The following BCAS3 variants were observed in gnomAD, a reference collection of about 807,000 sequenced individuals.
BCAS3 encodes the protein BCAS4/BCAS3 fusion.
A neutral mutation model predicts 116.1 loss-of-function variants in BCAS3; 53 were observed. That is an observed-to-expected ratio of 0.46 (90% CI 0.37 to 0.57). The LOEUF (loss-of-function observed/expected upper bound fraction) is 0.57. Ranked by LOEUF, BCAS3 falls within the 20% of genes least tolerant of loss-of-function variation. BCAS3 has a pLI of 0.00. For missense variants in BCAS3, 917 were observed against 1,165.4 expected, an observed-to-expected ratio of 0.79 and a Z score of 3.10; for synonymous variants, 391 against 408.2, an observed-to-expected ratio of 0.96 and a Z score of 0.51.
intron 19 of BCAS3, among the ~76,000 whole-genome samples, chr17:61,045,856 T>TATATAA (rs2068024162): frequency 1.9e-3 from 2 of 1,034 alleles, no homozygotes; most frequent in African/African-American, 2.6e-3. Context: ...TCTCTATATA[T>TATATAA]ATATATATAA....
In BCAS3 at chr17:61,286,716, G is replaced by A. The variant is rs2051827124; in HGVS notation, c.2426-81611G>A. Among the ~76,000 whole-genome samples, 1 of 152,170 alleles carries A rather than the reference G, an allele frequency of 6.6e-6. No individual in the cohort carries two copies. The highest frequency in any genetic ancestry group is 1.5e-5 in the Non-Finnish European group (1 of 68,030). ...GAGCATGTCACCTTCAGAGTAGGTT[G>A]GACTGTAAATATGTTTGGTCTCTAA... On this transcript the variant is annotated intron_variant, in intron 22 of 23. Transcript: ENST00000407086. This position sits in a 1 kb window ranked among gnomAD's most constrained non-coding sequence, Gnocchi z 4.8.
At chr17:60,889,353 C>T (rs762278966) in intron 9 of BCAS3, among the ~76,000 whole-genome samples, 4 of 152,138 alleles carry the variant, frequency 2.6e-5, no homozygotes, top group African/African-American at 9.7e-5. Context: ...TCCCAAAATT[C>T]TTCCTTGATT....
chr17:60,876,188 T>A (rs2055588688), intron 9 of BCAS3, among the ~76,000 whole-genome samples: 1 of 152,012 alleles, frequency 6.6e-6, no homozygotes, highest in African/African-American at 2.4e-5. Context: ...CCAATGAAAC[T>A]CCCAAGGTTT....
intron 6 of BCAS3, among the ~76,000 whole-genome samples, chr17:60,805,216 G>A (rs772294071): frequency 2.6e-5 from 4 of 151,970 alleles, no homozygotes; most frequent in Non-Finnish European, 4.4e-5. Context: ...TGATCCCTAA[G>A]GAACCCACCA....
rs112245320 is a variant in BCAS3, at chr17:61,117,041, G to A, written c.2425+32477G>A. Reference sequence around the variant, plus strand: ...ATGTGTCAATTTATGTCTCTTAAAAGTGTGGATATTATTCAAGCATTATTT... The same window carrying A: ...ATGTGTCAATTTATGTCTCTTAAAAATGTGGATATTATTCAAGCATTATTT... On this transcript the variant is annotated intron_variant, in intron 22 of 23. Transcript: ENST00000407086. 4.3e-3 allele frequency among the ~76,000 whole-genome samples: 657 copies of A among 152,200 alleles called. 5 individuals carry two copies. The highest frequency in any genetic ancestry group is 0.015 in the African/African-American group (604 of 41,514).
At position 61,088,957 on chromosome 17, in the gene BCAS3, GAGA is replaced by G. The variant is rs1568327943; in HGVS notation, c.2425+4396_2425+4398del. The stretch of plus-strand genomic sequence containing the variant: ...ACATGCCTGAGGAAGATGGTAGTGT[GAGA>G]AGGACAATGTGACAGATAAGAAAAA... On this transcript the variant is annotated intron_variant, in intron 22 of 23. Coordinates refer to ENST00000407086, the MANE Select transcript of BCAS3 (RefSeq NM_017679.5). The surrounding 1 kb of genome is among the most constrained non-coding windows in gnomAD (Gnocchi z 4.2). Among the ~76,000 whole-genome samples, 1 of 152,188 alleles carries G rather than the reference GAGA, an allele frequency of 6.6e-6. No individual in the cohort carries two copies.
intron 7 of BCAS3, among the ~76,000 whole-genome samples, chr17:60,859,116 A>G (rs1237226420): frequency 6.6e-6 from 1 of 152,224 alleles, no homozygotes; most frequent in African/African-American, 2.4e-5. Context: ...CATTAAAACA[A>G]CATTGATACA....
chr17:61,222,431 A>G lies in BCAS3; in HGVS notation c.2425+137867A>G, dbSNP rs574609532. ...AGGTGGAGTAGATGGTCTCCAAGGT[A>G]GCTTGTGGTCTAAAATTCTGTAAGT... On this transcript the variant is annotated intron_variant, in intron 22 of 23. Transcript: ENST00000407086. The surrounding 1 kb of genome is among the most constrained non-coding windows in gnomAD (Gnocchi z 6.1). Among the ~76,000 whole-genome samples the G allele has an allele frequency of 6.6e-6, 1 of 152,292 alleles. No individual in the cohort carries two copies. The highest frequency in any genetic ancestry group is 2.1e-4 in the South Asian group (1 of 4,828).
chr17:61,322,798 GA>G (rs2055340343), intron 22 of BCAS3, among the ~76,000 whole-genome samples: 1 of 24,708 alleles, frequency 4.0e-5, no homozygotes, highest in Non-Finnish European at 1.4e-4. Flanking sequence ...GAGAGACAGA[GA>G]GAGAGAGAGA....
At chr17:61,093,508 GC>G (rs1364093183) in intron 22 of BCAS3, among the ~76,000 whole-genome samples, 1 of 152,096 alleles carries the variant, frequency 6.6e-6, no homozygotes, top group Admixed American at 6.5e-5. Flanking sequence ...GATCACTTAA[GC>G]CTGGGAGGTT....
intron 22 of BCAS3, among the ~76,000 whole-genome samples, chr17:61,178,807 C>T (rs1050562878): frequency 6.6e-6 from 1 of 152,044 alleles, no homozygotes; most frequent in East Asian, 1.9e-4. Flanking sequence ...AAATTTAACA[C>T]CCTGGGTGTA....
At chr17:60,955,457 G>A (rs1170926851) in intron 14 of BCAS3, among the ~76,000 whole-genome samples, 2 of 147,682 alleles carry the variant, frequency 1.4e-5, no homozygotes, top group Non-Finnish European at 3.0e-5. Context: ...CGCTATCTCA[G>A]CTCACTGCAA....
intron 5 of BCAS3, among the ~76,000 whole-genome samples, chr17:60,746,298 A>C (rs1321775566): frequency 6.6e-6 from 1 of 152,152 alleles, no homozygotes; most frequent in Non-Finnish European, 1.5e-5. Context: ...TAGTTCTGTC[A>C]GTTGAGATGG....
Position 61,039,910 on chromosome 17 carries a change from A to G in BCAS3, c.1929-882A>G, listed in dbSNP as rs190447888. 1.2e-3 allele frequency among the ~76,000 whole-genome samples: 180 copies of G among 152,334 alleles called. 1 individual carries two copies. Among genetic ancestry groups the G allele is most frequent in the African/African-American group, 3.6e-3 (151 of 41,574 alleles). ...AAGGGGAATAGAAACTAATATAGAT[A>G]GATTCAAAGGTTTCTCTGAAAGTAA... On this transcript the variant is annotated intron_variant, in intron 18 of 23. Transcript: ENST00000407086.
intron 19 of BCAS3, among the ~76,000 whole-genome samples, chr17:61,049,195 G>A (rs1184098407): frequency 6.6e-6 from 1 of 151,836 alleles, no homozygotes; most frequent in Non-Finnish European, 1.5e-5. Flanking sequence ...CAGGTACTCA[G>A]GAGGCTGAGG....
chr17:60,942,768 A>T (rs2060292082), intron 13 of BCAS3, among the ~76,000 whole-genome samples: 1 of 152,190 alleles, frequency 6.6e-6, no homozygotes, highest in Non-Finnish European at 1.5e-5. Context: ...CTTCCCACAG[A>T]TGCTTAATAT....
intron 22 of BCAS3, among the ~76,000 whole-genome samples, chr17:61,201,046 A>T (rs1258039593): frequency 6.6e-6 from 1 of 152,242 alleles, no homozygotes; most frequent in Non-Finnish European, 1.5e-5. Flanking sequence ...TATAGGTCAT[A>T]CAGTTGTCTT....
rs1323159911 is a variant in BCAS3, at chr17:60,878,276, C to T, written c.661+3538C>T. On this transcript the variant is annotated intron_variant, in intron 9 of 23. Transcript: ENST00000407086. ...CTGCCCGCCTTGGCCTTCTAAAGTT[C>T]TGGAATTACAGGCATGAGCCTCCAT... Among the ~76,000 whole-genome samples, 4 of 152,062 alleles carry T rather than the reference C, an allele frequency of 2.6e-5. No individual in the cohort carries two copies. The East Asian group carries it at 5.8e-4, about 22-fold the overall frequency.
At position 61,168,979 on chromosome 17, in the gene BCAS3, T is replaced by C. The variant is rs73993706; in HGVS notation, c.2425+84415T>C. Among the ~76,000 whole-genome samples the C allele has an allele frequency of 2.8e-3, 428 of 152,270 alleles. 4 individuals are homozygous for C. The highest frequency in any genetic ancestry group is 9.8e-3 in the African/African-American group (406 of 41,550). ...AAGGTATAAGTGTGGATAAATACTCTCACATGTGCTGAGATCAGACAGGGG... is the reference window on the plus strand; with the variant it reads ...AAGGTATAAGTGTGGATAAATACTCCCACATGTGCTGAGATCAGACAGGGG... On this transcript the variant is annotated intron_variant, in intron 22 of 23. Transcript: ENST00000407086.
Sources: allele counts gnomAD v4.1 joint callset (sites outside exome capture counted in the v4.1 genomes callset), GRCh38; gene constraint gnomAD v4.1.1; non-coding constraint Gnocchi (gnomAD v3.1); transcripts MANE v1.5; gene names NCBI Gene and HGNC (gene_info 2026-07-23, HGNC 2026-07-21).